Variants in SEC16B observed in about 807,000 individuals in gnomAD.
The protein encoded by SEC16B is protein transport protein Sec16B.
Under a neutral mutation model 141.8 loss-of-function variants are expected in SEC16B, and 115 were observed. The observed-to-expected ratio is 0.81, with a 90% CI of 0.70 to 0.95. The LOEUF is 0.95. Ranked by LOEUF, SEC16B falls within the 40% of genes least tolerant of loss-of-function variation. The pLI is 0.00. For missense variants in SEC16B, 1,291 were observed against 1,312.3 expected, an observed-to-expected ratio of 0.98 and a Z score of 0.25; for synonymous variants, 493 against 492.5, an observed-to-expected ratio of 1.00 and a Z score of -0.01.
At chr1:177,948,300 A>C in intron 12 of SEC16B, 1 of 1,257,888 alleles carries the variant, frequency 7.9e-7, no homozygotes, top group Non-Finnish European at 1.0e-6. Flanking sequence ...TCAGTGGGAG[A>C]AGGAAGATCA....
At chr1:177,965,309 T>C in intron 3 of SEC16B, 142 bp from the exon 4 acceptor site, 1 of 1,007,036 alleles carries the variant, frequency 9.9e-7, no homozygotes, top group Non-Finnish European at 1.4e-6. Context: ...AATAGATAGG[T>C]GAGAGCTAAT....
At chr1:177,943,956 C>A (rs1212328345) in intron 15 of SEC16B, among the ~76,000 whole-genome samples, 1 of 152,116 alleles carries the variant, frequency 6.6e-6, no homozygotes, top group Non-Finnish European at 1.5e-5. Flanking sequence ...AGGATTTAGA[C>A]GGAGGAGGAC....
intron 1 of SEC16B, among the ~76,000 whole-genome samples, chr1:177,978,742 A>AATAAATAAATAAATAG (rs747426153): frequency 1.2e-4 from 17 of 146,266 alleles, no homozygotes; most frequent in African/African-American, 3.6e-4. Context: ...TAAATAAATA[A>AATAAATAAATAAATAG]ATAGCATAGC....
At chr1:177,947,709 G>A in intron 13 of SEC16B, 116 bp downstream of exon 13, 3 of 605,578 alleles carry the variant, frequency 5.0e-6, no homozygotes, top group Admixed American at 2.5e-5. Flanking sequence ...GGGAGGTGAG[G>A]AGAGGGAGGG....
rs375771652 is a variant in SEC16B, at chr1:177,946,535, C to T, written c.1664-4G>A. ...GCCTCCACAAGCCCCTTCCCAGCTG[C>T]GGGAGGAAGAGAACAAGACCCAATC... is the stretch of plus-strand genomic sequence containing the variant. On this transcript the variant is annotated splice_polypyrimidine_tract_variant and splice_region_variant and intron_variant, in intron 13 of 25. Coordinates refer to ENST00000308284, the MANE Select transcript of SEC16B (RefSeq NM_033127.4). 2.4e-5 allele frequency: 37 copies of T among 1,564,884 alleles called. No homozygotes were observed. In the African/African-American group the frequency reaches 3.8e-4, roughly 16 times the overall value.
Position 177,954,526 on chromosome 1 carries a change from C to T in SEC16B, c.1366-150G>A, listed in dbSNP as rs1316117869. 3 of 615,456 alleles carry T rather than the reference C, an allele frequency of 4.9e-6. No homozygotes were observed. In the Admixed American group the frequency reaches 8.1e-5, roughly 17 times the overall value. The allele number at this position is 615,456 out of a possible 1,614,324, so 38.1% of individuals were successfully genotyped here. ...TATAAGAATGTGAACAGCCAGGAAG[C>T]AGACTGTAGCTAGCACAGTATTTTT... is the stretch of plus-strand genomic sequence containing the variant. On this transcript the variant is annotated intron_variant, in intron 10 of 25. Transcript: ENST00000308284.
At chr1:177,966,090 G>A (rs1653496181) in intron 2 of SEC16B, 85 bp from the exon 3 acceptor site, 1 of 784,100 alleles carries the variant, frequency 1.3e-6, no homozygotes, top group Middle Eastern at 2.3e-4. Context: ...AACTAAACAG[G>A]TTCAGAGGAC....
At chr1:177,941,308 A>G (rs962099064) in intron 16 of SEC16B, among the ~76,000 whole-genome samples, 4 of 152,176 alleles carry the variant, frequency 2.6e-5, no homozygotes, top group African/African-American at 9.7e-5. Context: ...TTATACGTTA[A>G]AGAAGCCAGC....
chr1:177,954,059 C>A (rs1404050076), intron 11 of SEC16B, among the ~76,000 whole-genome samples: 1 of 152,194 alleles, frequency 6.6e-6, no homozygotes, highest in Admixed American at 6.5e-5. Context: ...TCACTCTGGG[C>A]AATTGTACTA....
At chr1:177,951,039 G>A (rs1053055467) in intron 12 of SEC16B, among the ~76,000 whole-genome samples, 3 of 148,438 alleles carry the variant, frequency 2.0e-5, no homozygotes, top group Non-Finnish European at 4.5e-5. Context: ...GAGGGAGGAA[G>A]GAAGGAAGGA....
At position 177,964,923 on chromosome 1, in the gene SEC16B, T is replaced by A. The variant is rs1043850774; in HGVS notation, c.533+124A>T. On this transcript the variant is annotated intron_variant, in intron 4 of 25. Coordinates refer to ENST00000308284, the MANE Select transcript of SEC16B (RefSeq NM_033127.4). ...ATCCTGGGATATTCCCATATCCCTG[T>A]GGCTACAACAAAGGTACATGGGCTT... 5 of 1,167,240 alleles carry A rather than the reference T, an allele frequency of 4.3e-6. No homozygotes were observed. In the African/African-American group the frequency reaches 7.6e-5, roughly 18 times the overall value. The allele number at this position is 1,167,240 out of a possible 1,614,324, so 72.3% of individuals were successfully genotyped here.
At position 177,964,348 on chromosome 1, in the gene SEC16B, C is replaced by T. The variant is rs533101725; in HGVS notation, c.534-69G>A. ...CCAGCAAGGCTGAGGCACTCTCCGC[C>T]GGAAGCTGACCTGCTCCAAAGCGTG... On this transcript the variant is annotated intron_variant, in intron 4 of 25. Coordinates refer to ENST00000308284, the MANE Select transcript of SEC16B (RefSeq NM_033127.4). 416 of 1,136,184 alleles carry T rather than the reference C, an allele frequency of 3.7e-4. No homozygotes were observed. In the African/African-American group the frequency reaches 5.9e-3, roughly 16 times the overall value. 70.4% of individuals were successfully genotyped at this position (1,136,184 alleles called of 1,614,324 possible). A position where few individuals can be genotyped will look rare whatever the true frequency, so the allele number is the denominator to read the frequency against.
intron 11 of SEC16B, 136 bp downstream of exon 11, chr1:177,954,143 A>T (rs1652413780): frequency 1.7e-6 from 1 of 603,686 alleles, no homozygotes; most frequent in Non-Finnish European, 3.0e-6. Flanking sequence ...TGTCCAGCTC[A>T]GAAAAGAGAA....
intron 18 of SEC16B, among the ~76,000 whole-genome samples, chr1:177,938,250 G>A (rs1482110103): frequency 3.3e-5 from 5 of 152,156 alleles, no homozygotes; most frequent in Non-Finnish European, 7.3e-5. Flanking sequence ...CCATGAACTG[G>A]GTCTGGCCAG....
At chr1:177,946,326 G>A (rs1239858400) in intron 14 of SEC16B, 94 bp downstream of exon 14, 5 of 936,454 alleles carry the variant, frequency 5.3e-6, no homozygotes, top group African/African-American at 3.3e-5. Context: ...AAATTCACAT[G>A]AGAAAATGAA....
rs966233334 is a variant in SEC16B at position 177,929,772 on chromosome 1, T to C, written c.*86A>G. ...AGCACAAACCTCTTGAGGGTCCCAA[T>C]ATGGTAGAGAGGGGCTGGGAGATTG... is the stretch of plus-strand genomic sequence containing the variant. On this transcript the variant is annotated 3_prime_UTR_variant, in exon 26 of 26. Coordinates refer to ENST00000308284, the MANE Select transcript of SEC16B (RefSeq NM_033127.4). The C allele has an allele frequency of 1.4e-6, 2 of 1,457,814 alleles. No individual in the cohort carries two copies. The highest frequency in any genetic ancestry group is 2.8e-5 in the African/African-American group (2 of 71,726). 90.3% of individuals were successfully genotyped at this position (1,457,814 alleles called of 1,614,324 possible).
At chr1:177,932,599 T>C (rs1358714510) in intron 23 of SEC16B, 30 bp from the exon 24 acceptor site, 5 of 1,528,594 alleles carry the variant, frequency 3.3e-6, no homozygotes, top group Non-Finnish European at 4.4e-6. Context: ...AGCTGTTTCC[T>C]CTGCTCAGGA....
intron 24 of SEC16B, among the ~76,000 whole-genome samples, chr1:177,931,497 C>T (rs2101895102): frequency 6.6e-6 from 1 of 152,314 alleles, no homozygotes; most frequent in South Asian, 2.1e-4. Context: ...CACTACTTGG[C>T]TGGTGGGTGC....
rs548268924 is a variant in SEC16B, at chr1:177,964,471, T to C, written c.534-192A>G. On this transcript the variant is annotated intron_variant, in intron 4 of 25. Coordinates refer to ENST00000308284, the MANE Select transcript of SEC16B (RefSeq NM_033127.4). ...TCCCAGAAAAACAGGAGTGCTGGAG[T>C]TCCACAGCTCAGTGGCTGGAAGTGG... 2.0e-5 allele frequency among the ~76,000 whole-genome samples: 3 copies of C among 152,220 alleles called. No individual in the cohort carries two copies. In the South Asian group the frequency reaches 6.2e-4, roughly 32 times the overall value.
Sources: gnomAD v4.1 joint callset for allele counts (sites outside exome capture counted in the v4.1 genomes callset) on GRCh38, gnomAD v4.1.1 for gene constraint, MANE v1.5 for transcripts, NCBI Gene and HGNC (gene_info 2026-07-23, HGNC 2026-07-21) for gene names.